The following CHI3L2 variants were observed in gnomAD, a reference collection of about 807,000 sequenced individuals.
CHI3L2 encodes chitinase-3-like protein 2.
Under a neutral mutation model 47.3 loss-of-function variants are expected in CHI3L2, and 47 were observed. That is an observed-to-expected ratio of 0.99 (90% CI 0.79 to 1.27). The LOEUF (loss-of-function observed/expected upper bound fraction) is 1.27. CHI3L2 is among the 50% of genes most tolerant of loss of function. CHI3L2 has a pLI of 0.00. For synonymous variants in CHI3L2, 198 were observed against 169.9 expected (o/e 1.17, Z -1.28); for missense variants, 497 against 462.1 (o/e 1.08, Z -0.69).
chr1:111,235,070 T>C lies in CHI3L2; in HGVS notation c.480+13T>C. The C allele has an allele frequency of 6.2e-7, 1 of 1,612,842 alleles. No individual in the cohort carries two copies. The highest frequency in any genetic ancestry group is 8.5e-7 in the Non-Finnish European group (1 of 1,179,778). ...TGTGCTGATTCATGTAAGTCATGAA[T>C]CAAGTAATTCATGTGAGTCAGATGC... On this transcript the variant is annotated intron_variant, in intron 5 of 10. Transcript: ENST00000369748.
In CHI3L2 at chr1:111,241,424, T is replaced by C; in HGVS notation, c.1016T>C (p.Val339Ala). 1 of 1,594,756 alleles carries C rather than the reference T, an allele frequency of 6.3e-7. No homozygotes were observed. The highest frequency in any genetic ancestry group is 8.6e-7 in the Non-Finnish European group (1 of 1,162,278). Residue 339 changes from valine (V) to alanine (A), a missense_variant, in exon 9 of 11, where the codon GTG (valine) becomes GCG (alanine). Transcript: ENST00000369748. ...KGNQWVGYDD[V>A]KSMETKVQFL... ...AACCAGTGGGTGGGCTATGATGATG[T>C]GAAGAGTATGGAGACCAAGGTAGGT...
In CHI3L2 at chr1:111,238,704, C is replaced by G. The variant is rs750563082; in HGVS notation, c.736-46C>G. ...ATAGAGGCTAAAAAAGGTCTGACAC[C>G]TTTCTTTCCCCACACTCTGAGCCTC... On this transcript the variant is annotated intron_variant, in intron 7 of 10. Coordinates refer to ENST00000369748, the MANE Select transcript of CHI3L2 (RefSeq NM_004000.3). The G allele has an allele frequency of 5.3e-5, 85 of 1,600,074 alleles. 1 individual carries two copies. The highest frequency in any genetic ancestry group is 2.2e-5 in the East Asian group (1 of 44,742).
At chr1:111,228,026 A>G (rs1659578143) in intron 1 of CHI3L2, among the ~76,000 whole-genome samples, 2 of 152,168 alleles carry the variant, frequency 1.3e-5, no homozygotes, top group South Asian at 4.1e-4. Flanking sequence ...TCTTGTCCAC[A>G]TTAGAACTGG....
intron 7 of CHI3L2, 49 bp from the exon 8 acceptor site, chr1:111,238,701 C>CT (rs1659956446): frequency 1.3e-6 from 2 of 1,585,754 alleles, no homozygotes; most frequent in Admixed American, 3.4e-5. Flanking sequence ...AAAGGTCTGA[C>CT]ACCTTTCTTT....
intron 7 of CHI3L2, among the ~76,000 whole-genome samples, chr1:111,236,437 CA>C (rs1167411797): frequency 6.6e-6 from 1 of 150,790 alleles, no homozygotes; most frequent in Non-Finnish European, 1.5e-5. Context: ...CTCCATCTTT[CA>C]TACATTTCTT....
chr1:111,231,363 T>C (rs1659716755), intron 4 of CHI3L2, 69 bp downstream of exon 4: 19 of 1,226,446 alleles, frequency 1.5e-5, no homozygotes, highest in Non-Finnish European at 2.3e-5. Flanking sequence ...TTTTCCTCCT[T>C]CTAAGAAGAG....
intron 7 of CHI3L2, among the ~76,000 whole-genome samples, chr1:111,236,587 C>T (rs72979877): frequency 0.071 from 10,793 of 152,024 alleles, 883 homozygotes; most frequent in African/African-American, 0.2. Flanking sequence ...GAAACAGAAG[C>T]TTGGCAGATT....
At chr1:111,241,274 A>G in intron 8 of CHI3L2, 53 bp from the exon 9 acceptor site, 1 of 992,826 alleles carries the variant, frequency 1.0e-6, no homozygotes, top group Non-Finnish European at 1.6e-6. Flanking sequence ...TACCCCAACC[A>G]AGTTTCAAGA....
chr1:111,237,136 C>A (rs193228567), intron 7 of CHI3L2, among the ~76,000 whole-genome samples: 1 of 152,270 alleles, frequency 6.6e-6, no homozygotes, highest in Admixed American at 6.5e-5. Context: ...AGCCTTTGGC[C>A]GCATGACTCC....
At chr1:111,228,559 A>G (rs1257436114) in intron 1 of CHI3L2, among the ~76,000 whole-genome samples, 3 of 152,336 alleles carry the variant, frequency 2.0e-5, no homozygotes, top group Non-Finnish European at 4.4e-5. Flanking sequence ...GATGTGCCAC[A>G]GAGAATTTCT....
intron 8 of CHI3L2, 55 bp from the exon 9 acceptor site, chr1:111,241,272 C>A: frequency 1.0e-6 from 1 of 983,798 alleles, no homozygotes; most frequent in Non-Finnish European, 1.7e-6. Flanking sequence ...TCTACCCCAA[C>A]CAAGTTTCAA....
chr1:111,242,003 G>A (rs934030197), intron 9 of CHI3L2, among the ~76,000 whole-genome samples: 9 of 152,120 alleles, frequency 5.9e-5, no homozygotes, highest in African/African-American at 1.4e-4. Flanking sequence ...CAAGAATGCC[G>A]GACCTTGAGT....
chr1:111,238,109 G>T (rs1659935893), intron 7 of CHI3L2, among the ~76,000 whole-genome samples: 2 of 152,140 alleles, frequency 1.3e-5, no homozygotes, highest in Admixed American at 6.5e-5. Flanking sequence ...GCTTCTAGTT[G>T]TCCTGCGTTT....
intron 6 of CHI3L2, 130 bp downstream of exon 6, chr1:111,235,893 C>A: frequency 6.5e-7 from 1 of 1,531,536 alleles, no homozygotes; most frequent in Non-Finnish European, 8.9e-7. Flanking sequence ...CTGCATCATT[C>A]AGCCAGGAAC....
Position 111,227,755 on chromosome 1 carries a change from A to T in CHI3L2, c.26A>T (p.Lys9Met). The T allele has an allele frequency of 6.2e-7, 1 of 1,614,210 alleles. No individual in the cohort carries two copies. The highest frequency in any genetic ancestry group is 8.5e-7 in the Non-Finnish European group (1 of 1,180,010). ...ATGGGAGCAACCACCATGGACCAGA[A>T]GTCTCTCTGGGCAGGTGAGCATGGG... The part of the protein sequence containing the change: MGATTMDQ[K>M]SLWAGVVVLL... The change falls in exon 1 of 11, where the codon AAG becomes ATG. Residue 9 changes from lysine (K) to methionine (M), a missense_variant. By Grantham distance (95) the Lys-to-Met change is moderately conservative. Transcript: ENST00000369748.
upstream of CHI3L2, chr1:111,227,693 T>C (rs751045778): frequency 6.2e-7 from 1 of 1,611,164 alleles, no homozygotes; most frequent in Non-Finnish European, 8.5e-7. Flanking sequence ...ATAAAAGACC[T>C]AGAGAATGTG....
chr1:111,238,693 A>G (rs1483333481), intron 7 of CHI3L2, 57 bp from the exon 8 acceptor site: 5 of 1,572,728 alleles, frequency 3.2e-6, no homozygotes, highest in Non-Finnish European at 4.4e-6. Context: ...AGGCTAAAAA[A>G]GGTCTGACAC....
intron 1 of CHI3L2, among the ~76,000 whole-genome samples, chr1:111,228,962 A>G (rs1003926167): frequency 1.3e-5 from 2 of 152,156 alleles, no homozygotes; most frequent in African/African-American, 4.8e-5. Flanking sequence ...ATAATTTCAA[A>G]CATATAAGTT....
At chr1:111,230,327 C>T (rs1030046353) in intron 2 of CHI3L2, among the ~76,000 whole-genome samples, 2 of 152,154 alleles carry the variant, frequency 1.3e-5, no homozygotes, top group South Asian at 2.1e-4. Flanking sequence ...GACCATGGCT[C>T]ACTGCAGCCT....
Sources: allele counts gnomAD v4.1 joint callset (sites outside exome capture counted in the v4.1 genomes callset), GRCh38; gene constraint gnomAD v4.1.1; transcripts MANE v1.5; gene names NCBI Gene and HGNC (gene_info 2026-07-23, HGNC 2026-07-21).